The following FRMPD4 variants were observed in gnomAD, a reference collection of about 807,000 sequenced individuals.
FRMPD4 encodes the protein FERM and PDZ domain-containing protein 4.
Under a neutral mutation model 94.1 loss-of-function variants are expected in FRMPD4, and 22 were observed. The ratio of observed to expected loss-of-function variants is 0.23; its 90% CI spans 0.17 to 0.33. FRMPD4 has a LOEUF of 0.33. FRMPD4 is among the 10% of genes least tolerant of loss of function. The pLI is 1.00. For synonymous variants in FRMPD4, 631 were observed against 548.6 expected (o/e 1.15, Z -2.10); for missense variants, 1,111 against 1,339.9 (o/e 0.83, Z 2.67).
rs189777984 is a variant in FRMPD4, at chrX:12,440,421, A to G, written c.42-58259A>G. 3.6e-5 allele frequency among the ~76,000 whole-genome samples: 4 copies of G among 111,791 alleles called. No individual in the cohort carries two copies. In the East Asian group the frequency reaches 1.1e-3, roughly 32 times the overall value. ...AGAACAGGGAGGGGAGGAGAAAGCC[A>G]AGCAAATGCAAAACTTCAGGGAATT... is the stretch of plus-strand genomic sequence containing the variant. On this transcript the variant is annotated intron_variant, in intron 1 of 16. Transcript: ENST00000675598.
intron 1 of FRMPD4, among the ~76,000 whole-genome samples, chrX:12,280,206 C>T (rs976718706): frequency 5.5e-5 from 6 of 108,188 alleles, no homozygotes; most frequent in Non-Finnish European, 7.6e-5. Flanking sequence ...TCTAGTCTAA[C>T]CATTTACTCC....
intron 3 of FRMPD4, among the ~76,000 whole-genome samples, chrX:12,088,276 C>A (rs1252819177): frequency 2.7e-5 from 3 of 111,802 alleles, no homozygotes; most frequent in Non-Finnish European, 5.6e-5. Flanking sequence ...AAACTTCTCC[C>A]CATGTCTTCA....
At chrX:12,277,323 A>C (rs967972940) in intron 1 of FRMPD4, among the ~76,000 whole-genome samples, 2 of 111,736 alleles carry the variant, frequency 1.8e-5, no homozygotes, top group African/African-American at 6.5e-5. Context: ...CATTTATTTA[A>C]TACAAGTTTT....
intron 1 of FRMPD4, among the ~76,000 whole-genome samples, chrX:12,217,272 C>A (rs1212167567): frequency 2.7e-5 from 3 of 111,253 alleles, no homozygotes; most frequent in Non-Finnish European, 3.8e-5. Flanking sequence ...TTCAGGGTAG[C>A]TTTAGGATTT....
chrX:12,192,049 A>T (rs1762311595), intron 1 of FRMPD4, among the ~76,000 whole-genome samples: 1 of 111,941 alleles, frequency 8.9e-6, no homozygotes, highest in Admixed American at 9.4e-5. Context: ...AAAAAAACAA[A>T]GTCCATTAAA....
At chrX:12,584,006 T>C (rs1326058279) in intron 2 of FRMPD4, among the ~76,000 whole-genome samples, 1 of 111,660 alleles carries the variant, frequency 9.0e-6, no homozygotes, top group Admixed American at 9.5e-5. Flanking sequence ...CGGCTCCACT[T>C]TGCTGGCAAC....
At chrX:11,921,990 A>G (rs1569126149) in intron 3 of FRMPD4, among the ~76,000 whole-genome samples, 1 of 111,742 alleles carries the variant, frequency 8.9e-6, no homozygotes. Context: ...GACAAAGCCA[A>G]TGATTTATTC....
At position 11,889,392 on chromosome X, in the gene FRMPD4, T is replaced by A. The variant is rs143556147; in HGVS notation, c.95+11374T>A. On this transcript the variant is annotated intron_variant, in intron 3 of 18. Coordinates refer to the FRMPD4 transcript ENST00000640291. ...CCAGGAGCATACTGAATGTTGTAAG[T>A]TGAACCATTGTAAGTCTGAATGAAT... 6.5e-3 allele frequency among the ~76,000 whole-genome samples: 729 copies of A among 112,242 alleles called. 4 individuals are homozygous for A. Among genetic ancestry groups the A allele is most frequent in the Non-Finnish European group, 0.011 (559 of 53,224 alleles).
At chrX:12,132,042 A>G (rs1197041211) in intron 3 of FRMPD4, among the ~76,000 whole-genome samples, 10 of 111,806 alleles carry the variant, frequency 8.9e-5, no homozygotes, top group Non-Finnish European at 1.9e-5. Context: ...ACACAAGGTG[A>G]AAAGTAACAA....
At chrX:12,516,128 CTG>C (rs2058093421) in intron 2 of FRMPD4, among the ~76,000 whole-genome samples, 1 of 111,823 alleles carries the variant, frequency 8.9e-6, no homozygotes, top group Non-Finnish European at 1.9e-5. Flanking sequence ...ATATTGCAAG[CTG>C]ATGGGTCTTG....
intron 4 of FRMPD4, among the ~76,000 whole-genome samples, chrX:12,619,862 C>T (rs2059271621): frequency 9.0e-6 from 1 of 111,238 alleles, no homozygotes; most frequent in Non-Finnish European, 1.9e-5. Context: ...CTTAGTTCCA[C>T]AGATTTTGAA....
intron 3 of FRMPD4, among the ~76,000 whole-genome samples, chrX:12,066,201 C>T (rs1296523767): frequency 1.8e-5 from 2 of 111,706 alleles, no homozygotes; most frequent in Non-Finnish European, 3.8e-5. Flanking sequence ...ACCCGAGATC[C>T]TTCTTTTAGG....
At chrX:12,387,486 G>A (rs745896356) in intron 1 of FRMPD4, among the ~76,000 whole-genome samples, 1 of 111,998 alleles carries the variant, frequency 8.9e-6, no homozygotes, top group African/African-American at 3.2e-5. Context: ...CAGAAGAAAA[G>A]TTATGTCGAT....
chrX:12,324,991 T>A (rs1189275139), intron 1 of FRMPD4, among the ~76,000 whole-genome samples: 3 of 112,208 alleles, frequency 2.7e-5, no homozygotes, highest in African/African-American at 9.7e-5. Flanking sequence ...CTTAGTGTAA[T>A]CTCCATTGGG....
chrX:11,848,773 A>G (rs2053600921), intron 1 of FRMPD4, among the ~76,000 whole-genome samples: 1 of 111,265 alleles, frequency 9.0e-6, no homozygotes, highest in Non-Finnish European at 1.9e-5. Context: ...TCCCAGAGCC[A>G]CTGGTCTTTC....
chrX:12,077,804 A>C (rs985514176), intron 3 of FRMPD4, among the ~76,000 whole-genome samples: 1 of 111,850 alleles, frequency 8.9e-6, no homozygotes, highest in African/African-American at 3.3e-5. Flanking sequence ...CCAATAAAGA[A>C]GAGTATTACA....
intron 3 of FRMPD4, among the ~76,000 whole-genome samples, chrX:12,028,558 G>A (rs1435147758): frequency 9.1e-6 from 1 of 110,381 alleles, no homozygotes; most frequent in Non-Finnish European, 1.9e-5. Context: ...TAAGACAAGT[G>A]TGTAATAACA....
chrX:11,824,162 G>T (rs1221772707), intron 1 of FRMPD4, among the ~76,000 whole-genome samples: 2 of 111,521 alleles, frequency 1.8e-5, no homozygotes, highest in Non-Finnish European at 3.8e-5. Context: ...AATATAAGGT[G>T]ACAAATTTGG....
chrX:12,548,516 A>C (rs1336876464), intron 2 of FRMPD4, among the ~76,000 whole-genome samples: 1 of 112,054 alleles, frequency 8.9e-6, no homozygotes, highest in Admixed American at 9.4e-5. Context: ...GTACTTCTCA[A>C]CTCTGGCTTC....
Sources: gnomAD v4.1 joint callset for allele counts (sites outside exome capture counted in the v4.1 genomes callset) on GRCh38, gnomAD v4.1.1 for gene constraint, MANE v1.5 for transcripts, NCBI Gene and HGNC (gene_info 2026-07-23, HGNC 2026-07-21) for gene names.